The following KIF1B variants were observed in gnomAD, a reference collection of about 807,000 sequenced individuals.
The protein encoded by KIF1B is kinesin-like protein KIF1B.
A neutral mutation model predicts 241.9 loss-of-function variants in KIF1B; 76 were observed. The ratio of observed to expected loss-of-function variants is 0.31; its 90% CI spans 0.26 to 0.38. KIF1B has a LOEUF of 0.38. Ranked by LOEUF, KIF1B falls within the 10% of genes least tolerant of loss-of-function variation. KIF1B has a pLI of 1.00. For synonymous variants in KIF1B, 750 were observed against 796.7 expected (o/e 0.94, Z 0.99); for missense variants, 1,622 against 2,271.4 (o/e 0.71, Z 5.81).
In KIF1B at chr1:10,375,387, T is replaced by C. The variant is rs775238805; in HGVS notation, c.5408+14T>C. 2.5e-6 allele frequency: 4 copies of C among 1,595,544 alleles called. No individual in the cohort carries two copies. In the East Asian group the frequency reaches 8.9e-5, roughly 36 times the overall value. On this transcript the variant is annotated intron_variant, in intron 48 of 48. Coordinates refer to ENST00000676179, the MANE Select transcript of KIF1B (RefSeq NM_001365951.3). ...TGGCACAATACGGTAAGAAGTTTTGTTGTTGTTGTTGTTGTTTTTGAGACG... is the reference window on the plus strand; with the variant it reads ...TGGCACAATACGGTAAGAAGTTTTGCTGTTGTTGTTGTTGTTTTTGAGACG...
chr1:10,357,171 C>A (rs1638276625), intron 38 of KIF1B, among the ~76,000 whole-genome samples: 1 of 152,180 alleles, frequency 6.6e-6, no homozygotes, highest in African/African-American at 2.4e-5. Context: ...TGAGCTACCA[C>A]AACTGACCAG....
chr1:10,237,050 A>G (rs181486431), intron 2 of KIF1B, among the ~76,000 whole-genome samples: 1 of 152,370 alleles, frequency 6.6e-6, no homozygotes, highest in Admixed American at 6.5e-5. Flanking sequence ...ATGAAAAAGT[A>G]GAAGAGTATG....
chr1:10,244,824 GGATGGT>G (rs1647186362), intron 2 of KIF1B, among the ~76,000 whole-genome samples: 2 of 146,766 alleles, frequency 1.4e-5, no homozygotes, highest in Admixed American at 6.8e-5. Context: ...GTTTTAGCCA[GGATGGT>G]CTCAATCTCC....
chr1:10,320,760 CTT>C (rs1651489471), intron 23 of KIF1B, among the ~76,000 whole-genome samples: 2 of 152,026 alleles, frequency 1.3e-5, no homozygotes, highest in South Asian at 4.1e-4. Context: ...GAGTTTTGCT[CTT>C]GTCGCCCACG....
At chr1:10,356,676 C>A (rs1360829711) in intron 38 of KIF1B, among the ~76,000 whole-genome samples, 1 of 151,550 alleles carries the variant, frequency 6.6e-6, no homozygotes, top group Non-Finnish European at 1.5e-5. Context: ...CCGAGGCGGG[C>A]GGATCATGAG....
rs942353292 is a variant in KIF1B at position 10,374,660 on chromosome 1, G to A, written c.5097-194G>A. 6.6e-6 allele frequency among the ~76,000 whole-genome samples: 1 copy of A among 152,160 alleles called. No homozygotes were observed. The highest frequency in any genetic ancestry group is 1.5e-5 in the Non-Finnish European group (1 of 68,032). ...GGGTCTCATAATGCATCTGCACCCT[G>A]GCGCAGCATGTTGCCATGGCACGGT... On this transcript the variant is annotated intron_variant, in intron 46 of 48. Transcript: ENST00000676179. The surrounding 1 kb of genome is among the most constrained non-coding windows in gnomAD (Gnocchi z 4.3).
chr1:10,348,549 C>T (rs1652670709), intron 36 of KIF1B, 100 bp from the exon 37 acceptor site: 1 of 844,228 alleles, frequency 1.2e-6, no homozygotes, highest in Non-Finnish European at 2.0e-6. Flanking sequence ...CCTCTCCTTC[C>T]TGCTCATCCC....
At chr1:10,298,007 C>T (rs72640309) in intron 22 of KIF1B, among the ~76,000 whole-genome samples, 1,854 of 152,258 alleles carry the variant, frequency 0.012, 13 homozygotes, top group Non-Finnish European at 0.017. Context: ...AACTGAATCT[C>T]ATGAATAAAT....
chr1:10,317,786 G>T (rs1382234539), intron 22 of KIF1B, among the ~76,000 whole-genome samples: 1 of 149,644 alleles, frequency 6.7e-6, no homozygotes, highest in Non-Finnish European at 1.5e-5. Context: ...AGCCGAGATC[G>T]CATCACTGCA....
At position 10,378,857 on chromosome 1, in the gene KIF1B, C is replaced by T. The variant is rs1030975004; in HGVS notation, c.*2270C>T. 69 of 237,768 alleles carry T rather than the reference C, an allele frequency of 2.9e-4. No individual in the cohort carries two copies. The highest frequency in any genetic ancestry group is 1.4e-3 in the African/African-American group (65 of 45,384). 14.7% of individuals were successfully genotyped at this position (237,768 alleles called of 1,614,324 possible). A position where few individuals can be genotyped will look rare whatever the true frequency, so the allele number is the denominator to read the frequency against. On this transcript the variant is annotated 3_prime_UTR_variant, in exon 49 of 49. Transcript: ENST00000676179. ...GCGTCTGCACCTGAAAAGTGACCCG[C>T]GGAAACTCTATGGCGGATTTTTTTT...
intron 35 of KIF1B, 39 bp downstream of exon 35, chr1:10,345,992 G>A (rs1015773030): frequency 7.5e-7 from 1 of 1,330,052 alleles, no homozygotes; most frequent in Non-Finnish European, 1.1e-6. Context: ...AAGGCAAAAT[G>A]TTTCAAATTA....
At position 10,236,273 on chromosome 1, in the gene KIF1B, A is replaced by AAACAACAACAAC. The variant is rs367849877; in HGVS notation, c.106+3860_106+3871dup. On this transcript the variant is annotated intron_variant, in intron 2 of 48. Coordinates refer to ENST00000676179, the MANE Select transcript of KIF1B (RefSeq NM_001365951.3). Reference sequence around the variant, plus strand: ...AGTGGCAGAGCAAGACTCCATCCCAAAACAACAACAACAACAACAACAACA... The same window carrying AAACAACAACAAC: ...AGTGGCAGAGCAAGACTCCATCCCAAAACAACAACAACAACAACAACAACAACAACAACAACA... Among the ~76,000 whole-genome samples, 213 of 94,110 alleles carry AAACAACAACAAC rather than the reference A, an allele frequency of 2.3e-3. 3 individuals carry two copies. The highest frequency in any genetic ancestry group is 5.8e-3 in the African/African-American group (198 of 34,128). 61.7% of individuals were successfully genotyped at this position (94,110 alleles called of 152,430 possible).
At chr1:10,234,299 C>T (rs1647020592) in intron 2 of KIF1B, among the ~76,000 whole-genome samples, 1 of 150,822 alleles carries the variant, frequency 6.6e-6, no homozygotes, top group Non-Finnish European at 1.5e-5. Flanking sequence ...CCTCTGTCTC[C>T]TGGGTTCAAG....
chr1:10,368,530 G>A lies in KIF1B; in HGVS notation c.4816G>A (p.Asp1606Asn), dbSNP rs780601677. Residue 1606 changes from aspartate to asparagine, a missense_variant, in exon 44 of 49, where the codon GAC becomes AAC. Physicochemically the swap from Asp to Asn is conservative, Grantham distance 23. Coordinates refer to ENST00000676179, the MANE Select transcript of KIF1B (RefSeq NM_001365951.3). ...EFSQVHGSVSDCKLSDISPIG... is the reference protein window; with the variant it reads ...EFSQVHGSVSNCKLSDISPIG... Reference sequence around the variant, plus strand: ...CAGCCAGGTGCACGGCAGCGTCAGTGACTGTAAGGTGAGCACATTGACTGT... The same window carrying A: ...CAGCCAGGTGCACGGCAGCGTCAGTAACTGTAAGGTGAGCACATTGACTGT... 1.9e-6 allele frequency: 3 copies of A among 1,613,722 alleles called. No individual in the cohort carries two copies. The highest frequency in any genetic ancestry group is 2.5e-6 in the Non-Finnish European group (3 of 1,179,616).
intron 15 of KIF1B, among the ~76,000 whole-genome samples, chr1:10,286,391 T>G (rs1360683305): frequency 6.6e-6 from 1 of 152,218 alleles, no homozygotes; most frequent in African/African-American, 2.4e-5. Context: ...GCTCTCGTGT[T>G]TATTAGTCTG....
chr1:10,308,509 G>GT (rs1163053943), intron 22 of KIF1B: 2 of 1,030,628 alleles, frequency 1.9e-6, no homozygotes, highest in Admixed American at 1.1e-4. Context: ...GTCTTTGAGT[G>GT]TAAGATCTGC....
At chr1:10,275,289 A>G (rs1207922466) in intron 10 of KIF1B, 139 bp from the exon 11 acceptor site, 1 of 642,508 alleles carries the variant, frequency 1.6e-6, no homozygotes, top group Non-Finnish European at 2.8e-6. Context: ...TGAAGAATTG[A>G]AACTATGAAT....
chr1:10,336,127 A>G lies in KIF1B; in HGVS notation c.3044-530A>G, dbSNP rs553031603. Reference sequence around the variant, plus strand: ...GACAGTCAGGATTTCTAGGTATGACATTTGAACAATCTCAAGAATAAAACT... The same window carrying G: ...GACAGTCAGGATTTCTAGGTATGACGTTTGAACAATCTCAAGAATAAAACT... On this transcript the variant is annotated intron_variant, in intron 28 of 48. Transcript: ENST00000676179. 1.9e-3 allele frequency among the ~76,000 whole-genome samples: 297 copies of G among 152,330 alleles called. 1 individual carries two copies. The highest frequency in any genetic ancestry group is 6.8e-3 in the African/African-American group (284 of 41,578).
chr1:10,321,773 G>C lies in KIF1B; in HGVS notation c.2274G>C (p.Gln758His). The C allele has an allele frequency of 6.2e-7, 1 of 1,614,164 alleles. No individual in the cohort carries two copies. The highest frequency in any genetic ancestry group is 8.5e-7 in the Non-Finnish European group (1 of 1,179,968). The change falls in exon 24 of 49, where the codon CAG becomes CAC. Residue 758 changes from glutamine (Q) to histidine (H), a missense_variant. Gln to His is a conservative substitution (Grantham distance 24, BLOSUM62 0). Coordinates refer to ENST00000676179, the MANE Select transcript of KIF1B (RefSeq NM_001365951.3). ...CCTTCCGGAAATGGAAGTCTCATCA[G>C]TTTACTTCATTACGGGACTTACTCT... ...QWAFRKWKSH[Q>H]FTSLRDLLWG...
Sources: allele counts gnomAD v4.1 joint callset (sites outside exome capture counted in the v4.1 genomes callset), GRCh38; gene constraint gnomAD v4.1.1; non-coding constraint Gnocchi (gnomAD v3.1); transcripts MANE v1.5; gene names NCBI Gene and HGNC (gene_info 2026-07-23, HGNC 2026-07-21).